The following ITPRID1 variants were observed in gnomAD, a reference collection of about 807,000 sequenced individuals.
ITPRID1 encodes ITPR interacting domain containing 1.
ITPRID1 carries 96 observed loss-of-function variants against 95.4 expected under a neutral mutation model. The observed-to-expected ratio is 1.01, with a 90% CI of 0.85 to 1.19. The LOEUF (loss-of-function observed/expected upper bound fraction) is 1.19, where lower values mean the gene tolerates loss of function less well. Ranked by LOEUF, ITPRID1 falls within the 50% of genes most tolerant of loss-of-function variation. The probability of loss-of-function intolerance (pLI) is 0.00; values close to 1 mark genes in which losing one functional copy is unlikely to be tolerated. For missense variants in ITPRID1, 1,339 were observed against 1,252.9 expected (o/e 1.07, Z -1.04); for synonymous variants, 510 against 453.6 (o/e 1.12, Z -1.58).
chr7:31,573,517 T>G lies in ITPRID1; in HGVS notation c.396-1023T>G, dbSNP rs1785069371. Among the ~76,000 whole-genome samples, 3 of 152,172 alleles carry G rather than the reference T, an allele frequency of 2.0e-5. No homozygotes were observed. The South Asian group carries it at 6.2e-4, about 32-fold the overall frequency. On this transcript the variant is annotated intron_variant, in intron 7 of 14. Coordinates refer to ENST00000615280, the MANE Select transcript of ITPRID1 (RefSeq NM_001257967.3). Reference sequence around the variant, plus strand: ...AATGGCTAAGTAAATGAATTGTAGTTAATCCAATTTCAATTAGGAAGTCAC... The same window carrying G: ...AATGGCTAAGTAAATGAATTGTAGTGAATCCAATTTCAATTAGGAAGTCAC...
At chr7:31,579,823 A>G (rs1428761677) in intron 9 of ITPRID1, among the ~76,000 whole-genome samples, 1 of 152,192 alleles carries the variant, frequency 6.6e-6, no homozygotes, top group Non-Finnish European at 1.5e-5. Flanking sequence ...TTAAAATGTT[A>G]AACTGAATTT....
intron 10 of ITPRID1, among the ~76,000 whole-genome samples, chr7:31,601,356 ACCACTG>A (rs1426800952): frequency 6.6e-6 from 1 of 152,156 alleles, no homozygotes; most frequent in Non-Finnish European, 1.5e-5. Context: ...TTCTGGTTTT[ACCACTG>A]CCACTGCACG....
intron 1 of ITPRID1, among the ~76,000 whole-genome samples, chr7:31,543,492 G>C (rs528045897): frequency 7.0e-6 from 1 of 143,710 alleles, no homozygotes; most frequent in Non-Finnish European, 1.6e-5. Context: ...GTGTTTACTA[G>C]TGTCTCATTG....
In ITPRID1 at chr7:31,643,574, T is replaced by C; in HGVS notation, c.2204T>C (p.Leu735Ser). 6.2e-7 allele frequency: 1 copy of C among 1,614,038 alleles called. No individual in the cohort carries two copies. The highest frequency in any genetic ancestry group is 8.5e-7 in the Non-Finnish European group (1 of 1,179,902). Residue 735 changes from leucine (L) to serine (S), a missense_variant, in exon 12 of 15, where the codon TTA becomes TCA. Leu to Ser is a moderately radical substitution (Grantham distance 145). Coordinates refer to ENST00000615280, the MANE Select transcript of ITPRID1 (RefSeq NM_001257967.3). ...ALGTGPRGTS[L>S]ECTVCDPVTA... The stretch of plus-strand genomic sequence containing the variant: ...GGGACTGGTCCCAGAGGAACATCTT[T>C]AGAATGCACTGTGTGTGATCCTGTT...
intron 10 of ITPRID1, among the ~76,000 whole-genome samples, chr7:31,617,912 A>G (rs1787421621): frequency 6.6e-6 from 1 of 152,222 alleles, no homozygotes; most frequent in African/African-American, 2.4e-5. Context: ...GGAAAAGAAG[A>G]TAAAGTCCCT....
chr7:31,580,169 G>C (rs1785344411), intron 9 of ITPRID1, among the ~76,000 whole-genome samples: 1 of 151,722 alleles, frequency 6.6e-6, no homozygotes, highest in Non-Finnish European at 1.5e-5. Flanking sequence ...GTGGTGGAGG[G>C]TGCCTGTAAT....
chr7:31,561,101 G>A (rs1017827897), intron 5 of ITPRID1, among the ~76,000 whole-genome samples: 4 of 152,136 alleles, frequency 2.6e-5, no homozygotes, highest in Non-Finnish European at 4.4e-5. Context: ...GAACGACACC[G>A]TAACCTTGAG....
chr7:31,534,103 C>T (rs964075630), intron 1 of ITPRID1, among the ~76,000 whole-genome samples: 1 of 152,154 alleles, frequency 6.6e-6, no homozygotes, highest in Non-Finnish European at 1.5e-5. Context: ...ACTCTAATGC[C>T]TGATAATCTG....
At chr7:31,525,973 A>G (rs1215589879) in intron 1 of ITPRID1, among the ~76,000 whole-genome samples, 1 of 152,014 alleles carries the variant, frequency 6.6e-6, no homozygotes, top group African/African-American at 2.4e-5. Flanking sequence ...TAAAAAAAAT[A>G]CTTAGCTTGA....
chr7:31,643,646 AT>A lies in ITPRID1; in HGVS notation c.2277del (p.Asp759GlufsTer9), dbSNP rs573292805. Reference protein sequence around the residue: ...RLGTKARQLNDASIQTSALSN... With the variant: ...RLGTKARQLNXASIQTSALSN... ...GGGACAAAAGCAAGACAGTTAAATGATGCTTCCATTCAGACTTCAGCTCTAA... is the reference window on the plus strand; with the variant it reads ...GGGACAAAAGCAAGACAGTTAAATGAGCTTCCATTCAGACTTCAGCTCTAA... On this transcript the variant is annotated frameshift_variant, in exon 12 of 15. Coordinates refer to ENST00000615280, the MANE Select transcript of ITPRID1 (RefSeq NM_001257967.3). LOFTEE classifies it high-confidence loss of function. 1,238 of 1,613,938 alleles carry A rather than the reference AT, an allele frequency of 7.7e-4. 1 individual carries two copies. Among genetic ancestry groups the A allele is most frequent in the Non-Finnish European group, 9.8e-4 (1,154 of 1,179,910 alleles).
chr7:31,583,293 GA>G, intron 10 of ITPRID1, 102 bp downstream of exon 10: 1 of 777,480 alleles, frequency 1.3e-6, no homozygotes, highest in African/African-American at 1.8e-5. Context: ...ATTATCTCTA[GA>G]AGGTACTCTA....
At chr7:31,622,201 G>C (rs6972480) in intron 10 of ITPRID1, among the ~76,000 whole-genome samples, 125,222 of 128,608 alleles carry the variant, frequency 0.97, 60,987 homozygotes, top group East Asian at 0.99. Flanking sequence ...ATCAACGAGA[G>C]AGAAAGTCAA....
chr7:31,585,935 C>T (rs1396676537), intron 10 of ITPRID1, among the ~76,000 whole-genome samples: 1 of 149,244 alleles, frequency 6.7e-6, no homozygotes, highest in Non-Finnish European at 1.5e-5. Flanking sequence ...GTGCGCTGCA[C>T]CCACTAACTC....
chr7:31,587,252 C>T (rs988667966), intron 10 of ITPRID1, among the ~76,000 whole-genome samples: 6 of 152,078 alleles, frequency 3.9e-5, no homozygotes, highest in African/African-American at 1.4e-4. Context: ...ATTGTCTCAG[C>T]CCAAAATCTC....
intron 1 of ITPRID1, among the ~76,000 whole-genome samples, chr7:31,524,430 C>T (rs2128128182): frequency 6.6e-6 from 1 of 152,302 alleles, no homozygotes; most frequent in East Asian, 1.9e-4. Flanking sequence ...CAGCAATGAG[C>T]AATTCACAGC....
chr7:31,551,266 T>G (rs1385250628), intron 2 of ITPRID1, among the ~76,000 whole-genome samples: 1 of 143,690 alleles, frequency 7.0e-6, no homozygotes, highest in Non-Finnish European at 1.6e-5. Context: ...AAGAGTTATG[T>G]GTTTCCTTGA....
rs368179579 is a variant in ITPRID1 at position 31,652,655 on chromosome 7, C to A, written c.2961C>A (p.Pro987=). ...TGGCCCCGAGGACTGTGTTTCCTCC[C>A]GATGATGGCCAGGAGGCTCCCTGTT... ...PGMAPRTVFP[P]DDGQEAPCSG... is the part of the protein sequence containing the mutation. Residue 987 remains proline (P), a synonymous_variant, in exon 15 of 15, where the codon CCC becomes CCA. Transcript: ENST00000615280. 1 of 1,613,690 alleles carries A rather than the reference C, an allele frequency of 6.2e-7. No individual in the cohort carries two copies. Among genetic ancestry groups the A allele is most frequent in the South Asian group, 1.1e-5 (1 of 91,072 alleles).
rs977087556 is a variant in ITPRID1 at position 31,642,331 on chromosome 7, A to G, written c.1311+73A>G. On this transcript the variant is annotated intron_variant, in intron 11 of 14. Coordinates refer to ENST00000615280, the MANE Select transcript of ITPRID1 (RefSeq NM_001257967.3). ...CTTCAGCCCTATCAACCAGGCTGCC[A>G]CCCAAACCTCACTCACAGCTAACTC... is the stretch of plus-strand genomic sequence containing the variant. 15 of 1,017,856 alleles carry G rather than the reference A, an allele frequency of 1.5e-5. No individual in the cohort carries two copies. The African/African-American group carries it at 2.3e-4, about 15-fold the overall frequency. The allele number at this position is 1,017,856 out of a possible 1,614,324, so 63.1% of individuals were successfully genotyped here.
Position 31,604,526 on chromosome 7 carries a change from G to A in ITPRID1, c.1228+21335G>A, listed in dbSNP as rs185802169. ...GAGAAAACCCTTCTGTTCTAAGGGA[G>A]TATTAAAATCAAGGTATGGTTGAAA... On this transcript the variant is annotated intron_variant, in intron 10 of 14. Coordinates refer to ENST00000615280, the MANE Select transcript of ITPRID1 (RefSeq NM_001257967.3). 4.1e-4 allele frequency among the ~76,000 whole-genome samples: 62 copies of A among 152,322 alleles called. No individual in the cohort carries two copies. In the East Asian group the frequency reaches 8.1e-3, roughly 20 times the overall value.
Sources: allele counts gnomAD v4.1 joint callset (sites outside exome capture counted in the v4.1 genomes callset), GRCh38; gene constraint gnomAD v4.1.1; transcripts MANE v1.5; gene names NCBI Gene and HGNC (gene_info 2026-07-23, HGNC 2026-07-21).